MAPK10: variants seen among roughly 807,000 people sequenced by gnomAD.
The protein encoded by MAPK10 is mitogen-activated protein kinase 10.
In MAPK10, 25 loss-of-function variants were observed where a neutral mutation model predicts 59.3. That is an observed-to-expected ratio of 0.42 (90% CI 0.31 to 0.59). The LOEUF (loss-of-function observed/expected upper bound fraction) is 0.59, where lower values mean the gene tolerates loss of function less well. Among genes scored for constraint, MAPK10 ranks in the 20% least tolerant of loss-of-function variants. The pLI is 0.15. For missense variants in MAPK10, 351 were observed against 568.9 expected (o/e 0.62, Z 3.90); for synonymous variants, 190 against 200.5 (o/e 0.95, Z 0.44).
At chr4:86,548,440 C>G (rs547542064) in intron 1 of MAPK10, among the ~76,000 whole-genome samples, 2 of 152,296 alleles carry the variant, frequency 1.3e-5, no homozygotes, top group South Asian at 2.1e-4. Flanking sequence ...CAATTCCGGA[C>G]ACAATAGTAG....
intron 1 of MAPK10, among the ~76,000 whole-genome samples, chr4:86,579,246 T>C (rs1433769890): frequency 6.6e-6 from 1 of 152,210 alleles, no homozygotes; most frequent in African/African-American, 2.4e-5. Context: ...GAAACTTTCC[T>C]ATCTCTGTTT....
chr4:86,430,606 T>C (rs1564854189), intron 1 of MAPK10, among the ~76,000 whole-genome samples: 2 of 152,140 alleles, frequency 1.3e-5, no homozygotes, highest in African/African-American at 4.8e-5. Context: ...AAGAAAGGCA[T>C]ATAATCTAAG....
intron 2 of MAPK10, among the ~76,000 whole-genome samples, chr4:86,222,127 A>G (rs1431709673): frequency 2.0e-5 from 3 of 152,144 alleles, no homozygotes; most frequent in Non-Finnish European, 4.4e-5. Context: ...CAGAAGCTAC[A>G]CAGATGCCAG....
rs1284381568 is a variant in MAPK10, at chr4:86,014,819, C to T, written c.*2409G>A. On this transcript the variant is annotated 3_prime_UTR_variant, in exon 14 of 14. Transcript: ENST00000641462. ...GAAGATGCTGGCTGGAGACTTCCTT[C>T]TGTCTTGTGATGTCATCTTGCGGCT... 6.6e-6 allele frequency: 1 copy of T among 152,090 alleles called. No individual in the cohort carries two copies. The highest frequency in any genetic ancestry group is 2.4e-5 in the African/African-American group (1 of 41,412). The allele number at this position is 152,090 out of a possible 1,614,324, so 9.4% of individuals were successfully genotyped here.
At chr4:86,170,499 G>C (rs1215399993) in intron 3 of MAPK10, among the ~76,000 whole-genome samples, 2 of 152,066 alleles carry the variant, frequency 1.3e-5, no homozygotes, top group African/African-American at 4.8e-5. Flanking sequence ...AATGGTAAAG[G>C]GACCAATTCA....
At chr4:86,138,986 G>GTCAGA (rs1487309567) in intron 4 of MAPK10, among the ~76,000 whole-genome samples, 33 of 60,976 alleles carry the variant, frequency 5.4e-4, no homozygotes, top group Admixed American at 1.1e-3. Context: ...GGATGTGAAG[G>GTCAGA]ACCTCTTCAA....
intron 1 of MAPK10, among the ~76,000 whole-genome samples, chr4:86,411,729 T>C (rs1242443879): frequency 6.6e-6 from 1 of 152,204 alleles, no homozygotes; most frequent in Non-Finnish European, 1.5e-5. Context: ...AACCCCCACT[T>C]TTATTTGCTT....
chr4:86,244,782 T>C (rs2092970931), intron 2 of MAPK10, among the ~76,000 whole-genome samples: 2 of 152,218 alleles, frequency 1.3e-5, no homozygotes, highest in South Asian at 4.1e-4. Flanking sequence ...GGCTGGATAA[T>C]GAAAGGGCTG....
intron 13 of MAPK10, among the ~76,000 whole-genome samples, chr4:86,019,706 C>T (rs1311345509): frequency 6.6e-6 from 1 of 152,150 alleles, no homozygotes; most frequent in East Asian, 1.9e-4. Context: ...GAATTCTCTT[C>T]CATTTATCCA....
intron 11 of MAPK10, among the ~76,000 whole-genome samples, chr4:86,054,870 T>C (rs2044250822): frequency 6.6e-6 from 1 of 152,268 alleles, no homozygotes; most frequent in East Asian, 1.9e-4. Context: ...AAAGAGGTAG[T>C]CCTTGTGGCA....
At chr4:86,352,296 G>A (rs1000780841) in intron 2 of MAPK10, 1 of 151,900 alleles carries the variant, frequency 6.6e-6, no homozygotes, top group Non-Finnish European at 1.5e-5. Context: ...AAGTAAAATA[G>A]ATTTAATCCA....
chr4:86,497,110 A>C (rs1426882923), intron 1 of MAPK10, among the ~76,000 whole-genome samples: 2 of 152,184 alleles, frequency 1.3e-5, no homozygotes, highest in East Asian at 1.9e-4. Context: ...CACTCCAAAC[A>C]ATAAAAATTT....
chr4:86,147,217 G>A (rs531536736), intron 4 of MAPK10, among the ~76,000 whole-genome samples: 1 of 151,922 alleles, frequency 6.6e-6, no homozygotes, highest in Non-Finnish European at 1.5e-5. Flanking sequence ...CGCAGGAGTC[G>A]CTGACACCAC....
chr4:86,149,498 C>A (rs1418299487), intron 4 of MAPK10, among the ~76,000 whole-genome samples: 2 of 152,126 alleles, frequency 1.3e-5, no homozygotes, highest in Non-Finnish European at 2.9e-5. Flanking sequence ...AACACCCGAC[C>A]TCAGGTGATA....
At chr4:86,433,059 A>G (rs1225732130) in intron 1 of MAPK10, among the ~76,000 whole-genome samples, 4 of 152,078 alleles carry the variant, frequency 2.6e-5, no homozygotes, top group Non-Finnish European at 1.5e-5. Flanking sequence ...TGTCCCACTA[A>G]CCCTCCTCTT....
At chr4:86,435,926 A>G (rs1398576676) in intron 1 of MAPK10, among the ~76,000 whole-genome samples, 5 of 152,256 alleles carry the variant, frequency 3.3e-5, no homozygotes, top group Non-Finnish European at 7.3e-5. Flanking sequence ...TGTATATTAA[A>G]TCATATCAAA....
rs189280894 is a variant in MAPK10 at position 86,144,107 on chromosome 4, G to A, written c.236+15191C>T. 1.7e-3 allele frequency among the ~76,000 whole-genome samples: 257 copies of A among 151,862 alleles called. 1 individual carries two copies. Among genetic ancestry groups the A allele is most frequent in the Non-Finnish European group, 2.8e-3 (192 of 67,950 alleles). On this transcript the variant is annotated intron_variant, in intron 4 of 13. Coordinates refer to ENST00000641462, the MANE Select transcript of MAPK10 (RefSeq NM_138982.4). ...CTTTTTTGGGGGGTGTGTTTAAGGG[G>A]GTAATTTTGATTTCTGCACACTTAA...
chr4:86,451,450 CATATT>C (rs1442771881), intron 1 of MAPK10, among the ~76,000 whole-genome samples: 4 of 152,156 alleles, frequency 2.6e-5, no homozygotes, highest in Admixed American at 6.5e-5. Context: ...ATTTATATGA[CATATT>C]ATATGCAAAG....
intron 2 of MAPK10, among the ~76,000 whole-genome samples, chr4:86,292,955 T>C (rs1208445683): frequency 2.0e-5 from 3 of 152,164 alleles, no homozygotes; most frequent in Non-Finnish European, 4.4e-5. Flanking sequence ...TACAAATGCA[T>C]AAAACTAAGT....
Sources: allele counts gnomAD v4.1 joint callset (sites outside exome capture counted in the v4.1 genomes callset), GRCh38; gene constraint gnomAD v4.1.1; transcripts MANE v1.5; gene names NCBI Gene and HGNC (gene_info 2026-07-23, HGNC 2026-07-21).